The following RGS12 variants were observed in gnomAD, a reference collection of about 807,000 sequenced individuals.
The protein encoded by RGS12 is regulator of G protein signaling 12.
A neutral mutation model predicts 120.1 loss-of-function variants in RGS12; 66 were observed. The ratio of observed to expected loss-of-function variants is 0.55; its 90% CI spans 0.45 to 0.67. RGS12 has a LOEUF of 0.67. RGS12 is among the 30% of genes least tolerant of loss of function. RGS12 has a pLI of 0.00. For missense variants in RGS12, 1,859 were observed against 1,957.7 expected (o/e 0.95, Z 0.95); for synonymous variants, 827 against 804.7 (o/e 1.03, Z -0.47).
chr4:3,394,043 T>G (rs1719797396), intron 4 of RGS12, among the ~76,000 whole-genome samples: 1 of 152,188 alleles, frequency 6.6e-6, no homozygotes, highest in Non-Finnish European at 1.5e-5. Flanking sequence ...CTAGGTGAAG[T>G]GCAGAGACCA....
At chr4:3,428,033 T>G in intron 14 of RGS12, 57 bp from the exon 15 acceptor site, 15 of 1,516,072 alleles carry the variant, frequency 9.9e-6, no homozygotes, top group Non-Finnish European at 1.4e-5. Context: ...AGGTTGTCTA[T>G]GAAACATTCA....
At chr4:3,299,145 C>A (rs944267597) in intron 1 of RGS12, among the ~76,000 whole-genome samples, 2 of 152,056 alleles carry the variant, frequency 1.3e-5, no homozygotes, top group African/African-American at 2.4e-5. Context: ...CTGCTGCAGT[C>A]TCTGCTTGGT....
intron 3 of RGS12, among the ~76,000 whole-genome samples, chr4:3,357,944 G>C (rs1214862356): frequency 2.0e-5 from 3 of 152,152 alleles, no homozygotes; most frequent in Non-Finnish European, 4.4e-5. Flanking sequence ...GCTTTGGGGA[G>C]TATTGACATC....
intron 6 of RGS12, among the ~76,000 whole-genome samples, chr4:3,415,186 C>CGTGTGAGAGGGCCGCGTGT (rs1051040632): frequency 2.1e-5 from 3 of 141,060 alleles, no homozygotes; most frequent in Admixed American, 2.1e-4. Flanking sequence ...GATAGGGCCG[C>CGTGTGAGAGGGCCGCGTGT]GTGTGAGAGG....
intron 3 of RGS12, among the ~76,000 whole-genome samples, chr4:3,373,249 G>A (rs908787269): frequency 6.6e-6 from 1 of 152,228 alleles, no homozygotes; most frequent in African/African-American, 2.4e-5. Context: ...CTCTTCCCTC[G>A]CGAGTCTACC....
At chr4:3,304,986 T>C (rs1036144410) in intron 1 of RGS12, among the ~76,000 whole-genome samples, 2 of 152,214 alleles carry the variant, frequency 1.3e-5, no homozygotes, top group African/African-American at 4.8e-5. Flanking sequence ...TTCGTTTCCA[T>C]GCACACTCAT....
chr4:3,373,343 A>G (rs2108902037), intron 3 of RGS12, among the ~76,000 whole-genome samples: 1 of 152,124 alleles, frequency 6.6e-6, no homozygotes, highest in East Asian at 1.9e-4. Context: ...TTAGGGCCTG[A>G]GGCTGGTGGC....
intron 2 of RGS12, among the ~76,000 whole-genome samples, chr4:3,331,955 C>G (rs1357644240): frequency 5.9e-5 from 9 of 152,182 alleles, no homozygotes; most frequent in Admixed American, 4.6e-4. Context: ...CCACGGCCAC[C>G]GAGTGCGCTC....
chr4:3,314,504 G>A (rs1724607996), intron 1 of RGS12: 2 of 152,230 alleles, frequency 1.3e-5, no homozygotes, highest in Admixed American at 1.3e-4. Context: ...CCGAGTTCAT[G>A]CCATTCTCCT....
At chr4:3,337,023 T>C (rs887652587) in intron 2 of RGS12, among the ~76,000 whole-genome samples, 2 of 150,980 alleles carry the variant, frequency 1.3e-5, no homozygotes, top group African/African-American at 2.4e-5. Flanking sequence ...AAAAGAAAAA[T>C]TAAAAAATGA....
At chr4:3,431,971 G>A (rs1007974940) in intron 17 of RGS12, 4 of 985,348 alleles carry the variant, frequency 4.1e-6, no homozygotes, top group African/African-American at 1.7e-5. Flanking sequence ...CGTGTGGCAT[G>A]GGAGGGGCTA....
chr4:3,422,254 AC>A, intron 10 of RGS12, 121 bp from the exon 11 acceptor site: 1 of 893,194 alleles, frequency 1.1e-6, no homozygotes, highest in Non-Finnish European at 1.7e-6. Context: ...TGCAGGTGGG[AC>A]CGTGGCAGGG....
rs1281292577 is a variant in RGS12 at position 3,390,673 on chromosome 4, C to A, written c.2020+4236C>A. ...CTGGCCATGGCGGAAGATTCGGGCT[C>A]CACCTGCAGCTCCACAGCTGACAGG... is the stretch of plus-strand genomic sequence containing the variant. On this transcript the variant is annotated intron_variant, in intron 4 of 17. Coordinates refer to ENST00000336727, the MANE Select transcript of RGS12 (RefSeq NM_001394154.1). The surrounding 1 kb of genome is among the most constrained non-coding windows in gnomAD (Gnocchi z 4.6). 6.6e-6 allele frequency among the ~76,000 whole-genome samples: 1 copy of A among 152,200 alleles called. No individual in the cohort carries two copies. Among genetic ancestry groups the A allele is most frequent in the East Asian group, 1.9e-4 (1 of 5,194 alleles).
In RGS12 at chr4:3,428,175, TC is replaced by T; in HGVS notation, c.3411+10del. 1 of 1,612,810 alleles carries T rather than the reference TC, an allele frequency of 6.2e-7. No individual in the cohort carries two copies. ...CCAGAAACCACTCGGCTACGGTAATTCCCCACCCTGGCCCACCCTGTGCCCT... is the reference window on the plus strand; with the variant it reads ...CCAGAAACCACTCGGCTACGGTAATTCCCACCCTGGCCCACCCTGTGCCCT... On this transcript the variant is annotated splice_region_variant and intron_variant, in intron 15 of 17. Coordinates refer to ENST00000336727, the MANE Select transcript of RGS12 (RefSeq NM_001394154.1).
intron 1 of RGS12, chr4:3,315,089 A>G (rs1724649835): frequency 6.6e-6 from 1 of 152,254 alleles, no homozygotes; most frequent in Admixed American, 6.5e-5. Context: ...GACACTGCAC[A>G]TGCGTTGTCA....
chr4:3,405,430 G>C (rs540026816), intron 4 of RGS12, among the ~76,000 whole-genome samples: 2 of 152,348 alleles, frequency 1.3e-5, no homozygotes, highest in African/African-American at 4.8e-5. Flanking sequence ...CTGAGGGGCA[G>C]TCTTAAAAAT....
chr4:3,362,267 C>T (rs17182201), intron 3 of RGS12, among the ~76,000 whole-genome samples: 21,049 of 152,134 alleles, frequency 0.14, 1,910 homozygotes, highest in Middle Eastern at 0.27. Flanking sequence ...GGACCTCCTG[C>T]GAGTGCCAGG....
rs575324135 is a variant in RGS12, at chr4:3,362,570, TGGTGTGAG to T, written c.1998+19532_1998+19539del. 8.2e-3 allele frequency among the ~76,000 whole-genome samples: 770 copies of T among 93,754 alleles called. 4 individuals carry two copies. Among genetic ancestry groups the T allele is most frequent in the Middle Eastern group, 0.011 (1 of 94 alleles). The allele number at this position is 93,754 out of a possible 152,430, so 61.5% of individuals were successfully genotyped here. A position where few individuals can be genotyped will look rare whatever the true frequency, so the allele number is the denominator to read the frequency against. On this transcript the variant is annotated intron_variant, in intron 3 of 17. Transcript: ENST00000336727. ...GTGAGGGTGTGTGTGATGTGAGGGT[TGGTGTGAG>T]GGTGTGAGGGTGTGTGTGAGGGTGC...
intron 2 of RGS12, chr4:3,342,678 A>G (rs961408578): frequency 1.0e-6 from 1 of 957,370 alleles, no homozygotes; most frequent in Admixed American, 2.8e-5. Context: ...GTGTTTACAG[A>G]GGTGGAGGCT....
Sources: gnomAD v4.1 joint callset for allele counts (sites outside exome capture counted in the v4.1 genomes callset) on GRCh38, gnomAD v4.1.1 for gene constraint, Gnocchi (gnomAD v3.1) non-coding constraint, MANE v1.5 for transcripts, NCBI Gene and HGNC (gene_info 2026-07-23, HGNC 2026-07-21) for gene names.